The following TCF20 variants were observed in gnomAD, a reference collection of about 807,000 sequenced individuals.
TCF20 encodes transcription factor 20.
TCF20 carries 3 observed loss-of-function variants against 148.6 expected under a neutral mutation model. That is an observed-to-expected ratio of 0.02 (90% CI 0.01 to 0.05). The LOEUF (loss-of-function observed/expected upper bound fraction) is 0.05. TCF20 is among the 10% of genes least tolerant of loss of function. TCF20 has a pLI of 1.00. For synonymous variants in TCF20, 1,049 were observed against 909.5 expected, an observed-to-expected ratio of 1.15 and a Z score of -2.76; for missense variants, 2,350 against 2,429.3, an observed-to-expected ratio of 0.97 and a Z score of 0.69.
intron 2 of TCF20, among the ~76,000 whole-genome samples, chr22:42,187,205 G>A (rs1388093908): frequency 6.6e-6 from 1 of 152,010 alleles, no homozygotes; most frequent in East Asian, 1.9e-4. Context: ...ACACACTTAG[G>A]GCCCAATAGT....
intron 1 of TCF20, among the ~76,000 whole-genome samples, chr22:42,221,164 G>C (rs550492580): frequency 6.6e-6 from 1 of 152,154 alleles, no homozygotes; most frequent in African/African-American, 2.4e-5. Flanking sequence ...CAAAATAAAC[G>C]TAGAGGTTGA....
intron 1 of TCF20, among the ~76,000 whole-genome samples, chr22:42,221,824 C>T (rs942991991): frequency 6.8e-6 from 1 of 146,572 alleles, no homozygotes; most frequent in Non-Finnish European, 1.5e-5. Flanking sequence ...CTGCAAGCTC[C>T]GCCTCCCGGG....
At chr22:42,188,395 G>A (rs981310188) in intron 2 of TCF20, among the ~76,000 whole-genome samples, 9 of 149,354 alleles carry the variant, frequency 6.0e-5, no homozygotes, top group African/African-American at 2.2e-4. Context: ...CTTGGCTAAC[G>A]AAAGTAAAAA....
Position 42,210,576 on chromosome 22 carries a change from G to A in TCF20, c.4730C>T (p.Pro1577Leu). 6.2e-7 allele frequency: 1 copy of A among 1,613,984 alleles called. No individual in the cohort carries two copies. Among genetic ancestry groups the A allele is most frequent in the African/African-American group, 1.3e-5 (1 of 74,978 alleles). The part of the protein sequence containing the change: ...PEGSADGEPK[P>L]KKQRQRRERR... Reference sequence around the variant, plus strand: ...CTCCCTCCTTTGCCTCTGTTTTTTTGGCTTTGGCTCTCCATCTGCAGAACC... The same window carrying A: ...CTCCCTCCTTTGCCTCTGTTTTTTTAGCTTTGGCTCTCCATCTGCAGAACC... The change falls in exon 2 of 6, where the codon CCA (proline) becomes CTA (leucine). Residue 1577 changes from proline to leucine, a missense_variant. Physicochemically the swap from Pro to Leu is moderately conservative, Grantham distance 98. This residue lies in a region of TCF20 where 374 missense variants were observed against 398.3 expected (regional missense o/e 0.94). Coordinates refer to ENST00000677622, the MANE Select transcript of TCF20 (RefSeq NM_001378418.1). The surrounding 1 kb of genome is among the most constrained non-coding windows in gnomAD (Gnocchi z 4.7).
chr22:42,214,388 T>G lies in TCF20; in HGVS notation c.918A>C (p.Pro306=). The G allele has an allele frequency of 1.9e-6, 3 of 1,614,188 alleles. No homozygotes were observed. The change falls in exon 2 of 6, where the codon CCA becomes CCC. Residue 306 remains proline, a synonymous_variant. Transcript: ENST00000677622. ...GCTGCTGCCCCTGTTGGGTCCCTTGTGGAATCTTTGCCTGTTCAAAATTCT... is the reference window on the plus strand; with the variant it reads ...GCTGCTGCCCCTGTTGGGTCCCTTGGGGAATCTTTGCCTGTTCAAAATTCT... The part of the protein sequence containing the change: ...SMKNFEQAKI[P]QGTQQGQQQQ...
rs748490573 is a variant in TCF20, at chr22:42,211,103, C to G, written c.4203G>C (p.Gln1401His). 6.2e-7 allele frequency: 1 copy of G among 1,614,170 alleles called. No homozygotes were observed. The highest frequency in any genetic ancestry group is 1.7e-5 in the Admixed American group (1 of 60,026). Residue 1401 changes from glutamine to histidine, a missense_variant, in exon 2 of 6, where the codon CAG becomes CAC. Transcript: ENST00000677622. Reference protein sequence around the residue: ...GPPEGGSVAVQDADIEKRKGE... With the variant: ...GPPEGGSVAVHDADIEKRKGE... ...CTTTTCTCTTCTCTATGTCAGCATC[C>G]TGAACAGCAACACTCCCACCTTCAG...
chr22:42,277,752 C>T (rs550940031), intron 1 of TCF20, among the ~76,000 whole-genome samples: 58 of 152,332 alleles, frequency 3.8e-4, no homozygotes, highest in Middle Eastern at 3.4e-3. Context: ...TGTATTTAGA[C>T]GCGATCCTGC....
At chr22:42,247,311 G>A (rs536084073) in intron 1 of TCF20, among the ~76,000 whole-genome samples, 302 of 151,678 alleles carry the variant, frequency 2.0e-3, no homozygotes, top group Middle Eastern at 6.8e-3. Flanking sequence ...GTGGTGGCAG[G>A]CGCCTGTAAT....
At position 42,270,348 on chromosome 22, in the gene TCF20, C is replaced by T. The variant is rs1012045425; in HGVS notation, c.-46G>A. ...CCCGGGAGGCGGTTACCTGCAGGAG[C>T]CCCCCGCCCAGTCCCTCGGCCTCCG... On this transcript the variant is annotated 5_prime_UTR_variant, in exon 1 of 6. Coordinates refer to ENST00000677622, the MANE Select transcript of TCF20 (RefSeq NM_001378418.1). 6.6e-6 allele frequency among the ~76,000 whole-genome samples: 1 copy of T among 151,700 alleles called. No individual in the cohort carries two copies. The highest frequency in any genetic ancestry group is 1.5e-5 in the Non-Finnish European group (1 of 67,826).
At chr22:42,291,979 C>T (rs1288560086) in intron 1 of TCF20, among the ~76,000 whole-genome samples, 1 of 152,264 alleles carries the variant, frequency 6.6e-6, no homozygotes, top group East Asian at 1.9e-4. Context: ...CATGATCCTC[C>T]CTGACAACAG....
At chr22:42,209,192 A>C (rs1272952005) in intron 2 of TCF20, among the ~76,000 whole-genome samples, 1 of 152,206 alleles carries the variant, frequency 6.6e-6, no homozygotes, top group Non-Finnish European at 1.5e-5. Context: ...ACACTCCCAC[A>C]CACCCTTTCT....
intron 1 of TCF20, among the ~76,000 whole-genome samples, chr22:42,253,849 G>A (rs1925568444): frequency 6.6e-6 from 1 of 152,142 alleles, no homozygotes; most frequent in African/African-American, 2.4e-5. Flanking sequence ...AGGCCAGGCA[G>A]GAGAATCACC....
At chr22:42,326,806 A>C (rs914462677) in intron 1 of TCF20, among the ~76,000 whole-genome samples, 6 of 152,196 alleles carry the variant, frequency 3.9e-5, no homozygotes, top group African/African-American at 9.7e-5. Flanking sequence ...GCTAATCTTC[A>C]ACTGAAGAGC....
Position 42,337,534 on chromosome 22 carries a change from C to T in TCF20, c.-37+5945G>A, listed in dbSNP as rs184288912. 2.6e-5 allele frequency among the ~76,000 whole-genome samples: 4 copies of T among 152,358 alleles called. No homozygotes were observed. The East Asian group carries it at 7.7e-4, about 29-fold the overall frequency. ...TTCCCTCTGCCTAAGGGCTCTTCCC[C>T]CTCTTCTCAGCTGGATGAGCTCTTA... is the stretch of plus-strand genomic sequence containing the variant. On this transcript the variant is annotated intron_variant, in intron 1 of 1. Transcript: ENST00000515426.
chr22:42,225,476 C>T (rs1206046247), intron 1 of TCF20, among the ~76,000 whole-genome samples: 6 of 150,462 alleles, frequency 4.0e-5, no homozygotes, highest in African/African-American at 1.2e-4. Context: ...TAGCCGGGCG[C>T]GGTGGCGGGC....
chr22:42,169,746 C>G, intron 4 of TCF20, 101 bp downstream of exon 4: 1 of 1,239,756 alleles, frequency 8.1e-7, no homozygotes, highest in Non-Finnish European at 1.2e-6. Context: ...CAGGTGGGGA[C>G]AGGTGTGGGT....
chr22:42,250,943 A>C (rs1291210236), intron 1 of TCF20, among the ~76,000 whole-genome samples: 1 of 152,162 alleles, frequency 6.6e-6, no homozygotes, highest in Non-Finnish European at 1.5e-5. Context: ...CACACTTTTA[A>C]AACAGCCAGA....
At chr22:42,224,848 A>C (rs1346010759) in intron 1 of TCF20, among the ~76,000 whole-genome samples, 1 of 152,160 alleles carries the variant, frequency 6.6e-6, no homozygotes, top group Non-Finnish European at 1.5e-5. Flanking sequence ...GATTATAACT[A>C]TCTGAAAATG....
In TCF20 at chr22:42,212,128, C is replaced by T. The variant is rs748568301; in HGVS notation, c.3178G>A (p.Ala1060Thr). The T allele has an allele frequency of 1.2e-6, 2 of 1,614,160 alleles. No homozygotes were observed. The highest frequency in any genetic ancestry group is 8.5e-7 in the Non-Finnish European group (1 of 1,180,038). The part of the protein sequence containing the change: ...TPFSPNSETL[A>T]SAYHANTRAH... ...CGAGTATTTGCATGATAAGCAGAGGCCAGGGTTTCTGAGTTGGGAGAAAAG... is the reference window on the plus strand; with the variant it reads ...CGAGTATTTGCATGATAAGCAGAGGTCAGGGTTTCTGAGTTGGGAGAAAAG... Residue 1060 changes from alanine to threonine, a missense_variant, in exon 2 of 6, where the codon GCC (alanine) becomes ACC (threonine). Ala to Thr is a moderately conservative substitution (Grantham distance 58). Coordinates refer to ENST00000677622, the MANE Select transcript of TCF20 (RefSeq NM_001378418.1).
Sources: allele counts gnomAD v4.1 joint callset (sites outside exome capture counted in the v4.1 genomes callset), GRCh38; gene constraint gnomAD v4.1.1; regional missense constraint gnomAD v4.1.1; non-coding constraint Gnocchi (gnomAD v3.1); transcripts MANE v1.5; gene names NCBI Gene and HGNC (gene_info 2026-07-23, HGNC 2026-07-21).